Variants in MGAT4C observed in about 807,000 individuals in gnomAD.
MGAT4C encodes alpha-1,3-mannosyl-glycoprotein 4-beta-N-acetylglucosaminyltransferase C.
A neutral mutation model predicts 40.1 loss-of-function variants in MGAT4C; 19 were observed. That is an observed-to-expected ratio of 0.47 (90% CI 0.33 to 0.70). MGAT4C has a LOEUF of 0.70. MGAT4C is among the 30% of genes least tolerant of loss of function. The pLI is 0.02. For missense variants in MGAT4C, 491 were observed against 563.2 expected, an observed-to-expected ratio of 0.87 and a Z score of 1.30; for synonymous variants, 181 against 187.1, an observed-to-expected ratio of 0.97 and a Z score of 0.27.
At chr12:86,136,844 C>T (rs746846220) in intron 1 of MGAT4C, among the ~76,000 whole-genome samples, 9 of 152,128 alleles carry the variant, frequency 5.9e-5, no homozygotes, top group South Asian at 2.1e-4. Flanking sequence ...CACACTACCA[C>T]GCCTGGCTAA....
chr12:86,701,979 T>C (rs1293945408), intron 2 of MGAT4C, among the ~76,000 whole-genome samples: 1 of 152,154 alleles, frequency 6.6e-6, no homozygotes, highest in Non-Finnish European at 1.5e-5. Flanking sequence ...TGCAGCAAGT[T>C]ATCCAGAAGA....
chr12:86,082,350 G>GT (rs1372339546), intron 1 of MGAT4C, among the ~76,000 whole-genome samples: 1 of 152,122 alleles, frequency 6.6e-6, no homozygotes, highest in African/African-American at 2.4e-5. Flanking sequence ...TAGCATTGCT[G>GT]TGTCTTTCTT....
chr12:86,718,985 A>G (rs1473346592), intron 2 of MGAT4C, among the ~76,000 whole-genome samples: 1 of 152,154 alleles, frequency 6.6e-6, no homozygotes, highest in East Asian at 1.9e-4. Context: ...TAAAGAGACA[A>G]TGTCCTCAAA....
At chr12:86,295,185 TAGTA>T (rs1566266302) in intron 4 of MGAT4C, among the ~76,000 whole-genome samples, 3 of 152,220 alleles carry the variant, frequency 2.0e-5, no homozygotes, top group African/African-American at 7.2e-5. Context: ...TTTATTTAAA[TAGTA>T]TACATATTTC....
intron 1 of MGAT4C, among the ~76,000 whole-genome samples, chr12:86,218,254 T>C (rs1449352993): frequency 2.6e-5 from 4 of 152,172 alleles, no homozygotes; most frequent in Non-Finnish European, 5.9e-5. Flanking sequence ...TTTCTGTATT[T>C]CCTTTGAAGT....
chr12:86,254,567 A>G (rs1204554234), intron 1 of MGAT4C, among the ~76,000 whole-genome samples: 1 of 152,108 alleles, frequency 6.6e-6, no homozygotes, highest in African/African-American at 2.4e-5. Flanking sequence ...TGACACAGTC[A>G]GTACCACTGG....
chr12:86,743,076 G>T (rs1222353141), intron 1 of MGAT4C, among the ~76,000 whole-genome samples: 1 of 149,398 alleles, frequency 6.7e-6, no homozygotes, highest in Non-Finnish European at 1.5e-5. Flanking sequence ...GTGTATGCAT[G>T]TGTGTATGTG....
At chr12:86,764,061 A>G (rs1472616667) in intron 1 of MGAT4C, among the ~76,000 whole-genome samples, 1 of 152,144 alleles carries the variant, frequency 6.6e-6, no homozygotes, top group Non-Finnish European at 1.5e-5. Flanking sequence ...AGGGTGAGGC[A>G]TTGCCTCACT....
At chr12:86,715,833 A>C (rs1398601203) in intron 2 of MGAT4C, among the ~76,000 whole-genome samples, 1 of 152,150 alleles carries the variant, frequency 6.6e-6, no homozygotes, top group Non-Finnish European at 1.5e-5. Context: ...CATGTTACCT[A>C]AATTTCAAAA....
chr12:86,820,555 A>G (rs904853421), intron 1 of MGAT4C, among the ~76,000 whole-genome samples: 1 of 150,850 alleles, frequency 6.6e-6, no homozygotes, highest in Non-Finnish European at 1.5e-5. Flanking sequence ...GAATCACAGT[A>G]TATGTGGATA....
At chr12:86,016,593 G>A (rs1015024650) in intron 2 of MGAT4C, among the ~76,000 whole-genome samples, 5 of 152,172 alleles carry the variant, frequency 3.3e-5, no homozygotes, top group African/African-American at 1.2e-4. Context: ...TTCAAGGTAA[G>A]GCCACTTAAC....
At chr12:86,397,567 C>T (rs1956283816) in intron 3 of MGAT4C, among the ~76,000 whole-genome samples, 1 of 151,260 alleles carries the variant, frequency 6.6e-6, no homozygotes, top group South Asian at 2.1e-4. Flanking sequence ...TATGTTTATT[C>T]ACCCTACTTC....
chr12:86,818,077 T>A (rs1952638123), intron 1 of MGAT4C, among the ~76,000 whole-genome samples: 1 of 151,404 alleles, frequency 6.6e-6, no homozygotes, highest in African/African-American at 2.4e-5. Flanking sequence ...AATGTAAAAC[T>A]ACTTTGACCA....
intron 1 of MGAT4C, among the ~76,000 whole-genome samples, chr12:86,771,488 GA>G (rs548220849): frequency 1.7e-4 from 25 of 150,386 alleles, no homozygotes; most frequent in Admixed American, 7.3e-4. Flanking sequence ...TAAGGACTCA[GA>G]AAAAAAAAGA....
intron 3 of MGAT4C, among the ~76,000 whole-genome samples, chr12:86,340,549 T>C (rs563992249): frequency 3.3e-5 from 5 of 152,200 alleles, no homozygotes; most frequent in African/African-American, 4.8e-5. Context: ...AACAGAAAGA[T>C]AAAATTGTAG....
At chr12:86,754,050 G>A (rs1330453573) in intron 1 of MGAT4C, among the ~76,000 whole-genome samples, 1 of 152,134 alleles carries the variant, frequency 6.6e-6, no homozygotes, top group Non-Finnish European at 1.5e-5. Context: ...AGCATTCGTA[G>A]TAGCTCTACT....
chr12:86,230,835 T>C (rs1951286960), intron 1 of MGAT4C, among the ~76,000 whole-genome samples: 1 of 152,042 alleles, frequency 6.6e-6, no homozygotes, highest in Non-Finnish European at 1.5e-5. Flanking sequence ...CTCTGGAAAT[T>C]TGACCTTTAA....
chr12:86,377,065 T>C (rs987161870), intron 3 of MGAT4C, among the ~76,000 whole-genome samples: 1 of 150,946 alleles, frequency 6.6e-6, no homozygotes, highest in African/African-American at 2.4e-5. Context: ...ATTTGCTTTT[T>C]TTTTTTTTTT....
At chr12:86,609,090 T>G (rs1029924533) in intron 2 of MGAT4C, among the ~76,000 whole-genome samples, 1 of 152,162 alleles carries the variant, frequency 6.6e-6, no homozygotes, top group East Asian at 1.9e-4. Flanking sequence ...AGGGTACACA[T>G]TGCAATTATA....
Sources: allele counts gnomAD v4.1 joint callset (sites outside exome capture counted in the v4.1 genomes callset), GRCh38; gene constraint gnomAD v4.1.1; transcripts MANE v1.5; gene names NCBI Gene and HGNC (gene_info 2026-07-23, HGNC 2026-07-21).